The following STARD8 variants were observed in gnomAD, a reference collection of about 807,000 sequenced individuals.
The protein encoded by STARD8 is stAR-related lipid transfer protein 8.
Under a neutral mutation model 69.4 loss-of-function variants are expected in STARD8, and 25 were observed. The observed-to-expected ratio is 0.36, with a 90% CI of 0.26 to 0.50. STARD8 has a LOEUF of 0.50. STARD8 is among the 20% of genes least tolerant of loss of function. The pLI, the probability that STARD8 is intolerant of heterozygous loss-of-function variation, is 0.96. For synonymous variants in STARD8, 389 were observed against 374.6 expected (o/e 1.04, Z -0.45); for missense variants, 921 against 932.5 (o/e 0.99, Z 0.16).
intron 2 of STARD8, chrX:68,693,796 C>A: frequency 1.3e-6 from 1 of 755,117 alleles, no homozygotes; most frequent in Non-Finnish European, 1.6e-6. Context: ...GTGTCAGCGC[C>A]CGAACCCAAA....
At chrX:68,653,154 C>A (rs1160894903) in intron 1 of STARD8, among the ~76,000 whole-genome samples, 3 of 1,804 alleles carry the variant, frequency 1.7e-3, no homozygotes, top group Admixed American at 6.7e-3. Flanking sequence ...CACACCACAC[C>A]AAACACACAC....
Position 68,684,315 on chromosome X carries a change from A to C in STARD8, c.79+18783A>C, listed in dbSNP as rs2079817683. On this transcript the variant is annotated intron_variant, in intron 2 of 14. Transcript: ENST00000374599. ...CAACAGGGCTCTGTGACTCAAGTGA[A>C]TCTTCGGAGCTCTTTCATATCACTG... Among the ~76,000 whole-genome samples, 4 of 112,441 alleles carry C rather than the reference A, an allele frequency of 3.6e-5. No homozygotes were observed. The Admixed American group carries it at 3.8e-4, about 11-fold the overall frequency.
intron 2 of STARD8, among the ~76,000 whole-genome samples, chrX:68,674,842 G>GTGCA (rs2079754184): frequency 9.2e-6 from 1 of 108,240 alleles, no homozygotes; most frequent in African/African-American, 3.4e-5. Context: ...GAGTGCAGTG[G>GTGCA]TGCAATCTTG....
chrX:68,648,499 G>T (rs1030097671), intron 1 of STARD8, among the ~76,000 whole-genome samples: 1 of 111,442 alleles, frequency 9.0e-6, no homozygotes, highest in Non-Finnish European at 1.9e-5. Flanking sequence ...AGTGGCTCAC[G>T]TCTGTAATCC....
intron 2 of STARD8, among the ~76,000 whole-genome samples, chrX:68,688,623 G>T (rs766185102): frequency 0.011 from 1,283 of 111,885 alleles, 19 homozygotes; most frequent in African/African-American, 0.04. Context: ...AGACAAGGAG[G>T]TAGGATCCTG....
At chrX:68,680,925 A>G (rs1173029963) in intron 2 of STARD8, among the ~76,000 whole-genome samples, 1 of 110,919 alleles carries the variant, frequency 9.0e-6, no homozygotes, top group African/African-American at 3.3e-5. Context: ...TCAGGGAGGT[A>G]GGTGTTACTG....
chrX:68,678,662 G>A (rs947496360), intron 2 of STARD8, among the ~76,000 whole-genome samples: 4 of 111,978 alleles, frequency 3.6e-5, no homozygotes, highest in Non-Finnish European at 7.5e-5. Context: ...CAAGGGCACT[G>A]TGCAGCCTGG....
At chrX:68,667,923 C>T (rs2079693673) in intron 2 of STARD8, among the ~76,000 whole-genome samples, 1 of 111,095 alleles carries the variant, frequency 9.0e-6, no homozygotes, top group Non-Finnish European at 1.9e-5. Context: ...AGCCATTTCT[C>T]CCAAGTGTGA....
chrX:68,719,061 A>G (rs1410643452), intron 6 of STARD8, among the ~76,000 whole-genome samples, 164 bp from the exon 7 acceptor site: 1 of 110,966 alleles, frequency 9.0e-6, no homozygotes, highest in African/African-American at 3.3e-5. Context: ...GCTGAGTCCA[A>G]GCTTTTTCCA....
At position 68,723,810 on chromosome X, in the gene STARD8, C is replaced by T; in HGVS notation, c.2984C>T (p.Ala995Val). 1 of 1,185,893 alleles carries T rather than the reference C, an allele frequency of 8.4e-7. No individual in the cohort carries two copies. The highest frequency in any genetic ancestry group is 1.1e-6 in the Non-Finnish European group (1 of 882,524). The change falls in exon 13 of 15, where the codon GCA becomes GTA. Residue 995 changes from alanine (A) to valine (V), a missense_variant. Transcript: ENST00000374599. ...ELYHYVTDSMAPHPCRDFVVL... is the reference protein window; with the variant it reads ...ELYHYVTDSMVPHPCRDFVVL... ...TACCACTATGTCACCGACAGCATGG[C>T]ACCCCATCCCTGCCGCGACTTTGTG...
intron 2 of STARD8, among the ~76,000 whole-genome samples, chrX:68,674,957 A>AT (rs770593904): frequency 0.027 from 1,472 of 53,812 alleles, 23 homozygotes; most frequent in African/African-American, 0.073. Flanking sequence ...TAATTTTTGT[A>AT]TTTTTTTTTT....
Position 68,724,369 on chromosome X carries a change from A to G in STARD8, c.3259A>G (p.Ile1087Val). The change falls in exon 15 of 15, where the codon ATC becomes GTC. Residue 1087 changes from isoleucine to valine, a missense_variant. Physicochemically the swap from Ile to Val is conservative, Grantham distance 29 (BLOSUM62 3). Coordinates refer to ENST00000374599, the MANE Select transcript of STARD8 (RefSeq NM_001142503.3). ...GHLCAMEVAK[I>V]RDSFPTLQAA... ...CCTGTGTGCCATGGAAGTGGCAAAGATCCGGGACTCCTTCCCCACCCTGCA... is the reference window on the plus strand; with the variant it reads ...CCTGTGTGCCATGGAAGTGGCAAAGGTCCGGGACTCCTTCCCCACCCTGCA... 7.5e-6 allele frequency: 9 copies of G among 1,207,721 alleles called. No individual in the cohort carries two copies. Among genetic ancestry groups the G allele is most frequent in the Non-Finnish European group, 1.0e-5 (9 of 893,482 alleles).
At position 68,717,880 on chromosome X, in the gene STARD8, G is replaced by T; in HGVS notation, c.966G>T (p.Glu322Asp). Reference sequence around the variant, plus strand: ...TGTCCATTGAGAGCCTGTGTCCTGAGGATGGACACCGCCTGGCAGACTGGC... The same window carrying T: ...TGTCCATTGAGAGCCTGTGTCCTGATGATGGACACCGCCTGGCAGACTGGC... ...RSLSIESLCP[E>D]DGHRLADWQP... The change falls in exon 6 of 15, where the codon GAG (glutamate) becomes GAT (aspartate). Residue 322 changes from glutamate to aspartate, a missense_variant. Transcript: ENST00000374599. The T allele has an allele frequency of 8.3e-7, 1 of 1,209,604 alleles. No individual in the cohort carries two copies. The highest frequency in any genetic ancestry group is 1.1e-6 in the Non-Finnish European group (1 of 894,385).
At chrX:68,710,796 C>G (rs1419576280) in intron 2 of STARD8, among the ~76,000 whole-genome samples, 1 of 112,493 alleles carries the variant, frequency 8.9e-6, no homozygotes, top group African/African-American at 3.2e-5. Flanking sequence ...CCTGCGCCTG[C>G]CTCTCTGGAA....
At chrX:68,653,044 CATCA>C (rs2079569469) in intron 1 of STARD8, among the ~76,000 whole-genome samples, 6 of 20,944 alleles carry the variant, frequency 2.9e-4, no homozygotes, top group Admixed American at 1.2e-3. Flanking sequence ...CACACACACA[CATCA>C]CACACCACAC....
intron 13 of STARD8, 21 bp downstream of exon 13, chrX:68,723,864 C>T (rs1043181897): frequency 1.5e-5 from 18 of 1,203,299 alleles, no homozygotes; most frequent in Non-Finnish European, 1.9e-5. Flanking sequence ...GCAGCTGCTA[C>T]CCTTCTGTGC....
intron 2 of STARD8, among the ~76,000 whole-genome samples, chrX:68,672,676 C>G (rs1408510362): frequency 9.1e-6 from 1 of 110,107 alleles, no homozygotes; most frequent in Non-Finnish European, 1.9e-5. Flanking sequence ...CCTCATCCTT[C>G]TCTTCTTTCC....
intron 1 of STARD8, among the ~76,000 whole-genome samples, chrX:68,661,878 TTTCCTTCCTTCCTTCCTTCCTTCCTTCC>T (rs748806413): frequency 1.6e-4 from 10 of 64,165 alleles, no homozygotes; most frequent in Non-Finnish European, 2.4e-4. Context: ...CTTTCTTTCT[TTTCCTTCCTTCCTTCCTTCCTTCCTTCC>T]TTCCTTCCTT....
At chrX:68,694,795 C>T (rs983274666) in intron 2 of STARD8, among the ~76,000 whole-genome samples, 8 of 111,290 alleles carry the variant, frequency 7.2e-5, no homozygotes, top group African/African-American at 2.6e-4. Flanking sequence ...GATTATGCAG[C>T]TAAGCCAGCT....
Sources: allele counts gnomAD v4.1 joint callset (sites outside exome capture counted in the v4.1 genomes callset), GRCh38; gene constraint gnomAD v4.1.1; transcripts MANE v1.5; gene names NCBI Gene and HGNC (gene_info 2026-07-23, HGNC 2026-07-21).